NAV2: variants seen among roughly 807,000 people sequenced by gnomAD.
NAV2 encodes neuron navigator 2, also known as helicase, APC down-regulated 1.
Under a neutral mutation model 223.2 loss-of-function variants are expected in NAV2, and 54 were observed. The ratio of observed to expected loss-of-function variants is 0.24; its 90% CI spans 0.19 to 0.30. The LOEUF is 0.30. Among genes scored for constraint, NAV2 ranks in the 10% least tolerant of loss-of-function variants. The probability of loss-of-function intolerance (pLI) is 1.00; values close to 1 mark genes in which losing one functional copy is unlikely to be tolerated. For missense variants in NAV2, 2,806 were observed against 3,147.5 expected, an observed-to-expected ratio of 0.89 and a Z score of 2.60; for synonymous variants, 1,279 against 1,239.3, an observed-to-expected ratio of 1.03 and a Z score of -0.67.
intron 1 of NAV2, among the ~76,000 whole-genome samples, chr11:19,387,839 A>G (rs2702688): frequency 0.068 from 10,380 of 152,260 alleles, 1,156 homozygotes; most frequent in African/African-American, 0.24. Context: ...AAAAAAAAGC[A>G]TAATGGAGAG....
At chr11:19,487,970 T>TCA (rs1340832882) in intron 1 of NAV2, among the ~76,000 whole-genome samples, 3 of 152,204 alleles carry the variant, frequency 2.0e-5, no homozygotes, top group African/African-American at 7.2e-5. Context: ...CATCAAGAGA[T>TCA]AGCTAATGCA....
chr11:19,636,369 T>C (rs1450335506), intron 1 of NAV2, among the ~76,000 whole-genome samples: 1 of 152,176 alleles, frequency 6.6e-6, no homozygotes, highest in Non-Finnish European at 1.5e-5. Flanking sequence ...GCCTGTAACT[T>C]AAGGGCTCAT....
chr11:19,644,080 G>GCACACT (rs2047747949), intron 1 of NAV2, among the ~76,000 whole-genome samples: 4 of 151,146 alleles, frequency 2.6e-5, no homozygotes, highest in African/African-American at 9.7e-5. Context: ...GTGTGCATGT[G>GCACACT]CACACACACA....
At chr11:19,780,880 TTTTG>T (rs988549132) in intron 1 of NAV2, among the ~76,000 whole-genome samples, 108 of 152,246 alleles carry the variant, frequency 7.1e-4, no homozygotes, top group Middle Eastern at 3.4e-3. Context: ...CAGGACTGTT[TTTTG>T]TTTGTTTGTT....
intron 1 of NAV2, among the ~76,000 whole-genome samples, chr11:19,786,990 C>T (rs905949067): frequency 6.6e-6 from 1 of 152,030 alleles, no homozygotes; most frequent in Non-Finnish European, 1.5e-5. Context: ...GAACTCCTGC[C>T]TGGACAGCAT....
At chr11:19,458,211 G>T (rs1852026554) in intron 1 of NAV2, among the ~76,000 whole-genome samples, 1 of 152,220 alleles carries the variant, frequency 6.6e-6, no homozygotes, top group African/African-American at 2.4e-5. Flanking sequence ...TCCTCCTGAA[G>T]CATGTGGATG....
chr11:19,698,392 C>T (rs1412612640), intron 1 of NAV2, among the ~76,000 whole-genome samples: 4 of 152,200 alleles, frequency 2.6e-5, no homozygotes, highest in East Asian at 1.9e-4. Context: ...TCTAGATCCC[C>T]GTGGGCCCAG....
At chr11:19,859,241 A>G (rs1372842852) in intron 3 of NAV2, among the ~76,000 whole-genome samples, 1 of 144,476 alleles carries the variant, frequency 6.9e-6, no homozygotes, top group East Asian at 2.1e-4. Flanking sequence ...CAGCAGATAA[A>G]CAAGTGAACA....
At chr11:19,741,360 T>C (rs2052777839) in intron 1 of NAV2, among the ~76,000 whole-genome samples, 5 of 152,042 alleles carry the variant, frequency 3.3e-5, no homozygotes. Flanking sequence ...GATCTCTAGA[T>C]TTATTTATCC....
At chr11:19,749,915 T>C (rs2152494465) in intron 1 of NAV2, among the ~76,000 whole-genome samples, 1 of 152,376 alleles carries the variant, frequency 6.6e-6, no homozygotes, top group South Asian at 2.1e-4. Flanking sequence ...AGCATTCAGA[T>C]ACTTTGTTTC....
intron 1 of NAV2, among the ~76,000 whole-genome samples, chr11:19,553,285 C>T (rs757446832): frequency 2.0e-5 from 3 of 152,232 alleles, no homozygotes; most frequent in Non-Finnish European, 4.4e-5. Flanking sequence ...AACAGCCCCA[C>T]CCCTAATCTT....
Position 19,931,609 on chromosome 11 carries a change from A to AAAAAAAAG in NAV2, c.932-1567_932-1566insAAAAAAAG, listed in dbSNP as rs10692495. Among the ~76,000 whole-genome samples the AAAAAAAAG allele has an allele frequency of 1.3e-3, 178 of 137,310 alleles. 10 individuals carry two copies. The highest frequency in any genetic ancestry group is 3.4e-3 in the African/African-American group (129 of 38,408). 90.1% of individuals were successfully genotyped at this position (137,310 alleles called of 152,430 possible). A position where few individuals can be genotyped will look rare whatever the true frequency, so the allele number is the denominator to read the frequency against. On this transcript the variant is annotated intron_variant, in intron 6 of 37. Transcript: ENST00000349880. ...ACATAGGTATTTAAAAAAAAAAAAA[A>AAAAAAAAG]GCAGAAGAAGCAGCCGTTAATCCCG...
At chr11:19,699,800 G>C (rs1763093598) in intron 1 of NAV2, among the ~76,000 whole-genome samples, 1 of 152,200 alleles carries the variant, frequency 6.6e-6, no homozygotes, top group African/African-American at 2.4e-5. Context: ...GAGCCCCTCT[G>C]TGCCTCTCCT....
At chr11:20,053,687 C>G (rs148050937) in intron 17 of NAV2, among the ~76,000 whole-genome samples, 2 of 152,218 alleles carry the variant, frequency 1.3e-5, no homozygotes, top group African/African-American at 4.8e-5. Context: ...ATGGCAGATG[C>G]CATGAGTTGT....
At chr11:19,474,993 A>T (rs2042073109) in intron 1 of NAV2, among the ~76,000 whole-genome samples, 1 of 152,226 alleles carries the variant, frequency 6.6e-6, no homozygotes, top group Non-Finnish European at 1.5e-5. Context: ...GTGGGGAATG[A>T]GTTGGTCAAA....
chr11:19,883,045 C>T (rs947005352), intron 5 of NAV2, among the ~76,000 whole-genome samples: 11 of 152,118 alleles, frequency 7.2e-5, no homozygotes, highest in Admixed American at 7.2e-4. Context: ...CTTTGATAAC[C>T]AAAATTCCAA....
chr11:20,103,011 C>T (rs527556423), intron 32 of NAV2, among the ~76,000 whole-genome samples: 14 of 152,276 alleles, frequency 9.2e-5, no homozygotes, highest in African/African-American at 3.1e-4. Context: ...CTCAAGGTTT[C>T]CACTCATCAG....
intron 1 of NAV2, among the ~76,000 whole-genome samples, chr11:19,678,369 A>G (rs1335598036): frequency 6.6e-6 from 1 of 152,210 alleles, no homozygotes; most frequent in East Asian, 1.9e-4. Context: ...GGACCAGAAT[A>G]GGAGTCCAGG....
rs1259887935 is a variant in NAV2, at chr11:19,984,136, A to G, written c.2657A>G (p.Asp886Gly). ...TTCTCCTTTTAAAGATACATGACTG[A>G]TGGTGGACTTGGCCTCTATACCCGT... is the stretch of plus-strand genomic sequence containing the variant. ...TDDITSGYMT[D>G]GGLGLYTRRL... Residue 886 changes from aspartate (D) to glycine (G), a missense_variant, in exon 11 of 38, where the codon GAT (aspartate) becomes GGT (glycine). Physicochemically the swap from Asp to Gly is moderately conservative, Grantham distance 94. Transcript: ENST00000349880. 3 of 1,614,110 alleles carry G rather than the reference A, an allele frequency of 1.9e-6. No homozygotes were observed. In the East Asian group the frequency reaches 6.7e-5, roughly 36 times the overall value.
Sources: gnomAD v4.1 joint callset for allele counts (sites outside exome capture counted in the v4.1 genomes callset) on GRCh38, gnomAD v4.1.1 for gene constraint, MANE v1.5 for transcripts, NCBI Gene and HGNC (gene_info 2026-07-23, HGNC 2026-07-21) for gene names.